Variants in ANKRD44 observed in about 807,000 individuals in gnomAD.
The protein encoded by ANKRD44 is serine/threonine-protein phosphatase 6 regulatory ankyrin repeat subunit B.
Under a neutral mutation model 116.0 loss-of-function variants are expected in ANKRD44, and 35 were observed. That is an observed-to-expected ratio of 0.30 (90% confidence interval 0.23 to 0.40). The LOEUF (loss-of-function observed/expected upper bound fraction) is 0.40. ANKRD44 is among the 10% of genes least tolerant of loss of function. The pLI is 1.00. For missense variants in ANKRD44, 1,014 were observed against 1,242.6 expected (o/e 0.82, Z 2.77); for synonymous variants, 435 against 461.8 (o/e 0.94, Z 0.74).
In ANKRD44 at chr2:197,083,329, A is replaced by T. The variant is rs746543431; in HGVS notation, c.1457+40T>A. 24 of 1,594,598 alleles carry T rather than the reference A, an allele frequency of 1.5e-5. No homozygotes were observed. In the South Asian group the frequency reaches 2.7e-4, roughly 18 times the overall value. Reference sequence around the variant, plus strand: ...AGCAATCCTTCCCCACCACTCCCCAACCCTGTTCCCAGAGGAAGCATGAGC... The same window carrying T: ...AGCAATCCTTCCCCACCACTCCCCATCCCTGTTCCCAGAGGAAGCATGAGC... On this transcript the variant is annotated intron_variant, in intron 14 of 27. Coordinates refer to ENST00000282272, the MANE Select transcript of ANKRD44 (RefSeq NM_001195144.2).
chr2:197,233,994 A>G (rs2081924146), intron 1 of ANKRD44, among the ~76,000 whole-genome samples: 1 of 152,274 alleles, frequency 6.6e-6, no homozygotes, highest in Non-Finnish European at 1.5e-5. Context: ...ACTTAAAAAT[A>G]TGGGTGTATA....
chr2:197,098,006 C>T lies in ANKRD44; in HGVS notation c.1100+1810G>A, dbSNP rs563863376. The stretch of plus-strand genomic sequence containing the variant: ...GTTTATGTCTTTATAACGACTGTTC[C>T]CTCTTCTTGGGATATCCTTCCTTTC... On this transcript the variant is annotated intron_variant, in intron 10 of 27. Transcript: ENST00000282272. Among the ~76,000 whole-genome samples the T allele has an allele frequency of 3.3e-5, 5 of 152,198 alleles. No individual in the cohort carries two copies. In the South Asian group the frequency reaches 1.0e-3, roughly 32 times the overall value.
chr2:196,998,786 G>A, intron 24 of ANKRD44, 121 bp downstream of exon 24: 1 of 1,389,592 alleles, frequency 7.2e-7, no homozygotes, highest in Non-Finnish European at 9.7e-7. Flanking sequence ...GGTGACTTAA[G>A]TAAAACTGCT....
chr2:196,981,103 T>C (rs1574214007), intron 21 of ANKRD44, among the ~76,000 whole-genome samples: 1 of 152,196 alleles, frequency 6.6e-6, no homozygotes, highest in African/African-American at 2.4e-5. Flanking sequence ...AAATCTTTAC[T>C]TTGGGCACTC....
chr2:197,129,925 A>T (rs1399072870), intron 4 of ANKRD44, among the ~76,000 whole-genome samples: 1 of 152,240 alleles, frequency 6.6e-6, no homozygotes, highest in African/African-American at 2.4e-5. Flanking sequence ...AAGTTGCTTT[A>T]GATAGGGGTC....
intron 9 of ANKRD44, among the ~76,000 whole-genome samples, chr2:197,102,065 A>T (rs867206111): frequency 6.6e-6 from 1 of 152,130 alleles, no homozygotes; most frequent in African/African-American, 2.4e-5. Flanking sequence ...AAAAACAAAA[A>T]ACAAAAACAA....
intron 2 of ANKRD44, chr2:197,147,912 C>A (rs567779370): frequency 4.6e-5 from 21 of 454,834 alleles, no homozygotes; most frequent in Non-Finnish European, 8.0e-5. Context: ...AAGACTGTAG[C>A]TCAAATTTTA....
intron 2 of ANKRD44, among the ~76,000 whole-genome samples, chr2:197,164,984 C>G (rs2080071424): frequency 6.6e-6 from 1 of 152,186 alleles, no homozygotes. Flanking sequence ...CTCTAAACTA[C>G]TGTTTATTTG....
At chr2:197,216,874 A>ACACACACG (rs2081457577) in intron 1 of ANKRD44, among the ~76,000 whole-genome samples, 1 of 148,440 alleles carries the variant, frequency 6.7e-6, no homozygotes. Flanking sequence ...GGTTAAACAC[A>ACACACACG]CACACACACA....
rs1373517168 is a variant in ANKRD44 at position 196,978,074 on chromosome 2, G to T, written c.2369-10628C>A. On this transcript the variant is annotated intron_variant, in intron 21 of 21. Coordinates refer to the ANKRD44 transcript ENST00000424317. Reference sequence around the variant, plus strand: ...CTCTATATGCTGATACAGTTTGGATGTTTGTTCCCTCCAAATCTCATGTTG... The same window carrying T: ...CTCTATATGCTGATACAGTTTGGATTTTTGTTCCCTCCAAATCTCATGTTG... Among the ~76,000 whole-genome samples, 4 of 152,316 alleles carry T rather than the reference G, an allele frequency of 2.6e-5. No homozygotes were observed. The East Asian group carries it at 7.7e-4, about 29-fold the overall frequency.
Position 197,122,802 on chromosome 2 carries a change from C to A in ANKRD44, c.551-10G>T. The A allele has an allele frequency of 6.2e-7, 1 of 1,611,506 alleles. No individual in the cohort carries two copies. Among genetic ancestry groups the A allele is most frequent in the Non-Finnish European group, 8.5e-7 (1 of 1,179,114 alleles). ...ACAACATCCAAGTGGCCTTTACAAACAAAGCAGCAGAAAACATCGTTAACC... is the reference window on the plus strand; with the variant it reads ...ACAACATCCAAGTGGCCTTTACAAAAAAAGCAGCAGAAAACATCGTTAACC... On this transcript the variant is annotated splice_polypyrimidine_tract_variant and intron_variant, in intron 6 of 27. Transcript: ENST00000282272.
chr2:197,242,668 G>A (rs73988415), intron 1 of ANKRD44, among the ~76,000 whole-genome samples: 10 of 152,282 alleles, frequency 6.6e-5, no homozygotes, highest in Admixed American at 3.3e-4. Flanking sequence ...AATGGTCCCC[G>A]TCTTTCCAGC....
At chr2:197,178,989 T>A (rs750207300) in intron 2 of ANKRD44, among the ~76,000 whole-genome samples, 28 of 152,266 alleles carry the variant, frequency 1.8e-4, no homozygotes, top group Middle Eastern at 6.8e-3. Flanking sequence ...GAGGATCACT[T>A]GAGCCCAGGA....
chr2:197,122,911 G>T (rs891967524), intron 6 of ANKRD44, 119 bp from the exon 7 acceptor site: 8 of 1,250,930 alleles, frequency 6.4e-6, no homozygotes, highest in Non-Finnish European at 7.6e-6. Context: ...TGAGTTATTT[G>T]TAAAAAGCTG....
At chr2:197,030,626 G>A (rs944596271) in intron 16 of ANKRD44, among the ~76,000 whole-genome samples, 5 of 152,138 alleles carry the variant, frequency 3.3e-5, no homozygotes, top group Admixed American at 6.5e-5. Flanking sequence ...CCCCCTGACA[G>A]TCCAGTTCAT....
intron 16 of ANKRD44, among the ~76,000 whole-genome samples, chr2:197,025,737 T>C (rs1307548179): frequency 6.6e-6 from 1 of 152,242 alleles, no homozygotes; most frequent in Non-Finnish European, 1.5e-5. Context: ...CAGGCTGCTT[T>C]ACAGCAGATG....
chr2:197,106,851 AAGAC>A (rs2078444024), intron 9 of ANKRD44, among the ~76,000 whole-genome samples: 1 of 150,998 alleles, frequency 6.6e-6, no homozygotes, highest in African/African-American at 2.4e-5. Flanking sequence ...GGAAAAATAA[AAGAC>A]AGACTCTCTA....
chr2:197,223,078 G>A (rs2081621178), intron 1 of ANKRD44, among the ~76,000 whole-genome samples: 1 of 152,252 alleles, frequency 6.6e-6, no homozygotes, highest in Non-Finnish European at 1.5e-5. Context: ...CTCCCAAAGT[G>A]CTGGGATTAA....
At chr2:197,050,371 G>A (rs536610367) in intron 16 of ANKRD44, among the ~76,000 whole-genome samples, 14 of 151,918 alleles carry the variant, frequency 9.2e-5, no homozygotes, top group South Asian at 8.3e-4. Context: ...CATCAATAAC[G>A]AAGCATTCTA....
Sources: allele counts gnomAD v4.1 joint callset (sites outside exome capture counted in the v4.1 genomes callset), GRCh38; gene constraint gnomAD v4.1.1; transcripts MANE v1.5; gene names NCBI Gene and HGNC (gene_info 2026-07-23, HGNC 2026-07-21).